The following JARID2 variants were observed in gnomAD, a reference collection of about 807,000 sequenced individuals.
The protein encoded by JARID2 is jumonji and AT-rich interaction domain containing 2.
In JARID2, 21 loss-of-function variants were observed where a neutral mutation model predicts 125.6. The ratio of observed to expected loss-of-function variants is 0.17; its 90% CI spans 0.12 to 0.24. The LOEUF (loss-of-function observed/expected upper bound fraction) is 0.24, where lower values mean the gene tolerates loss of function less well. Among genes scored for constraint, JARID2 ranks in the 10% least tolerant of loss-of-function variants. JARID2 has a pLI of 1.00. For missense variants in JARID2, 1,303 were observed against 1,639.6 expected (o/e 0.79, Z 3.55); for synonymous variants, 736 against 661.6 (o/e 1.11, Z -1.73).
At chr6:15,518,567 C>T (rs376209816) in intron 17 of JARID2, among the ~76,000 whole-genome samples, 4 of 152,186 alleles carry the variant, frequency 2.6e-5, no homozygotes, top group African/African-American at 9.6e-5. Context: ...CTGCAAGCTC[C>T]GCCTCCCAGG....
chr6:15,280,438 A>G (rs1050824443), intron 1 of JARID2, among the ~76,000 whole-genome samples: 4 of 152,214 alleles, frequency 2.6e-5, no homozygotes, highest in Admixed American at 6.5e-5. Context: ...AAAAAAGATC[A>G]TAAAGATTCA....
chr6:15,321,056 T>A (rs1449727445), intron 1 of JARID2, among the ~76,000 whole-genome samples: 1 of 152,162 alleles, frequency 6.6e-6, no homozygotes, highest in Non-Finnish European at 1.5e-5. Flanking sequence ...TTGCAGTAGT[T>A]AGTATGTTGT....
At chr6:15,261,171 T>TTAC (rs1211063655) in intron 1 of JARID2, among the ~76,000 whole-genome samples, 3 of 152,206 alleles carry the variant, frequency 2.0e-5, no homozygotes, top group Non-Finnish European at 4.4e-5. Flanking sequence ...AAGAGTCCTA[T>TTAC]TACTACTCCC....
chr6:15,515,308 A>T lies in JARID2; in HGVS notation c.3451-1853A>T, dbSNP rs530671698. Among the ~76,000 whole-genome samples, 5 of 152,060 alleles carry T rather than the reference A, an allele frequency of 3.3e-5. No individual in the cohort carries two copies. In the East Asian group the frequency reaches 9.7e-4, roughly 29 times the overall value. On this transcript the variant is annotated intron_variant, in intron 16 of 17. Transcript: ENST00000341776. Reference sequence around the variant, plus strand: ...ATTATAGGCATGGGCCACTGCGCCCAGCTGTCCATCCTCTTGCTGGAACAC... The same window carrying T: ...ATTATAGGCATGGGCCACTGCGCCCTGCTGTCCATCCTCTTGCTGGAACAC...
In JARID2 at chr6:15,278,709, C is replaced by T. The variant is rs1760634179; in HGVS notation, c.45+32125C>T. Among the ~76,000 whole-genome samples, 4 of 152,222 alleles carry T rather than the reference C, an allele frequency of 2.6e-5. No individual in the cohort carries two copies. In the South Asian group the frequency reaches 8.3e-4, roughly 32 times the overall value. On this transcript the variant is annotated intron_variant, in intron 1 of 17. Coordinates refer to ENST00000341776, the MANE Select transcript of JARID2 (RefSeq NM_004973.4). ...TCTGGGGGGACATGCTCCCCCATCC[C>T]TGCCAGTCTCATATCTGCCATACCT...
chr6:15,262,749 G>A (rs1759931809), intron 1 of JARID2, among the ~76,000 whole-genome samples: 1 of 151,866 alleles, frequency 6.6e-6, no homozygotes, highest in Non-Finnish European at 1.5e-5. Flanking sequence ...CGATGGCCAG[G>A]CTAGTCTTGA....
intron 3 of JARID2, among the ~76,000 whole-genome samples, chr6:15,433,469 A>C (rs771271356): frequency 6.9e-6 from 1 of 145,500 alleles, no homozygotes; most frequent in South Asian, 2.2e-4. Context: ...CAGTTTAGGC[A>C]GTCGCTTAGG....
intron 4 of JARID2, among the ~76,000 whole-genome samples, chr6:15,458,540 T>C (rs566490847): frequency 6.1e-4 from 93 of 152,370 alleles, no homozygotes; most frequent in African/African-American, 2.1e-3. Context: ...TGTCATTCAG[T>C]TGCTAATTAA....
At chr6:15,465,271 A>G (rs1307701813) in intron 4 of JARID2, among the ~76,000 whole-genome samples, 2 of 152,100 alleles carry the variant, frequency 1.3e-5, no homozygotes, top group Non-Finnish European at 2.9e-5. Flanking sequence ...TCGGCAATGT[A>G]GCGAGATCCC....
At chr6:15,377,284 G>A (rs542786499) in intron 2 of JARID2, among the ~76,000 whole-genome samples, 1 of 152,126 alleles carries the variant, frequency 6.6e-6, no homozygotes. Context: ...CTGTTATATG[G>A]CAGTGGCAAG....
intron 3 of JARID2, among the ~76,000 whole-genome samples, chr6:15,450,793 T>C (rs1318640682): frequency 6.6e-6 from 1 of 152,198 alleles, no homozygotes; most frequent in African/African-American, 2.4e-5. Context: ...AAAGCAAAAA[T>C]ATGTTCGTGT....
intron 3 of JARID2, among the ~76,000 whole-genome samples, chr6:15,442,295 C>G (rs530697149): frequency 2.2e-4 from 33 of 152,164 alleles, no homozygotes; most frequent in South Asian, 1.7e-3. Flanking sequence ...GGAATCCCAT[C>G]GAGAGATAGT....
chr6:15,350,370 C>T (rs1763381770), intron 1 of JARID2, among the ~76,000 whole-genome samples: 1 of 152,202 alleles, frequency 6.6e-6, no homozygotes, highest in Admixed American at 6.5e-5. Flanking sequence ...CCTCACCTGG[C>T]TCACTCAGTT....
chr6:15,497,304 C>T (rs376826903), intron 7 of JARID2, 134 bp downstream of exon 7: 2 of 703,064 alleles, frequency 2.8e-6, no homozygotes, highest in Admixed American at 3.0e-5. Flanking sequence ...GAGTAGTGGG[C>T]TTCTCAGCTC....
chr6:15,283,315 C>T (rs374707803), intron 1 of JARID2, among the ~76,000 whole-genome samples: 7 of 142,802 alleles, frequency 4.9e-5, no homozygotes, highest in East Asian at 2.1e-4. Context: ...AATATTGTCT[C>T]CTAGTCTGTC....
intron 1 of JARID2, among the ~76,000 whole-genome samples, chr6:15,313,996 T>C (rs1762100328): frequency 6.6e-6 from 1 of 152,148 alleles, no homozygotes; most frequent in Non-Finnish European, 1.5e-5. Context: ...ATCTCTTCAT[T>C]TGGGGAGAGG....
At chr6:15,444,260 G>A (rs1307243223) in intron 3 of JARID2, among the ~76,000 whole-genome samples, 1 of 152,160 alleles carries the variant, frequency 6.6e-6, no homozygotes, top group Non-Finnish European at 1.5e-5. Context: ...GTGGGAACTG[G>A]GTGGACCTTG....
chr6:15,263,872 C>A (rs575944342), intron 1 of JARID2, among the ~76,000 whole-genome samples: 1 of 152,174 alleles, frequency 6.6e-6, no homozygotes, highest in Non-Finnish European at 1.5e-5. Context: ...GGATTACAGG[C>A]GTGAGCCACC....
intron 3 of JARID2, among the ~76,000 whole-genome samples, chr6:15,439,369 C>T (rs772182569): frequency 5.3e-5 from 8 of 152,136 alleles, no homozygotes; most frequent in African/African-American, 1.7e-4. Flanking sequence ...TTTATTCTCC[C>T]GTTTCTTTCA....
Sources: gnomAD v4.1 joint callset for allele counts (sites outside exome capture counted in the v4.1 genomes callset) on GRCh38, gnomAD v4.1.1 for gene constraint, MANE v1.5 for transcripts, NCBI Gene and HGNC (gene_info 2026-07-23, HGNC 2026-07-21) for gene names.